The following RFPL3 variants were observed in gnomAD, a reference collection of about 807,000 sequenced individuals.
RFPL3 encodes the protein ret finger protein like 3.
RFPL3 carries 8 observed loss-of-function variants against 8.7 expected under a neutral mutation model. The ratio of observed to expected loss-of-function variants is 0.92; its 90% CI spans 0.54 to 1.66. The LOEUF (loss-of-function observed/expected upper bound fraction) is 1.66, where lower values mean the gene tolerates loss of function less well. RFPL3 is among the 40% of genes most tolerant of loss of function. RFPL3 has a pLI of 0.00. For missense variants in RFPL3, 341 were observed against 395.0 expected (o/e 0.86, Z 1.16); for synonymous variants, 145 against 150.5 (o/e 0.96, Z 0.27).
upstream of RFPL3, among the ~76,000 whole-genome samples, chr22:32,357,346 T>C (rs1350536336): frequency 2.0e-5 from 3 of 152,140 alleles, no homozygotes; most frequent in Non-Finnish European, 4.4e-5. Context: ...ATTTTTGTAT[T>C]GTTTGTAGAG....
upstream of RFPL3, among the ~76,000 whole-genome samples, chr22:32,355,443 A>G (rs1380767677): frequency 2.6e-5 from 4 of 151,960 alleles, no homozygotes; most frequent in African/African-American, 9.7e-5. Flanking sequence ...CTGATGTGGG[A>G]CCTGGTTTTC....
chr22:32,360,728 G>A lies in RFPL3; in HGVS notation c.850G>A (p.Ala284Thr). 1 of 1,613,902 alleles carries A rather than the reference G, an allele frequency of 6.2e-7. No homozygotes were observed. The highest frequency in any genetic ancestry group is 8.5e-7 in the Non-Finnish European group (1 of 1,179,934). The part of the protein sequence containing the change: ...SAEEPLRPFL[A>T]PSIPPNGDQG... Reference sequence around the variant, plus strand: ...TGAGGAGCCACTGCGCCCATTTTTGGCTCCTTCAATTCCACCTAATGGTGA... The same window carrying A: ...TGAGGAGCCACTGCGCCCATTTTTGACTCCTTCAATTCCACCTAATGGTGA... Residue 284 changes from alanine (A) to threonine (T), a missense_variant, in exon 2 of 2, where the codon GCT becomes ACT. Transcript: ENST00000249007.
rs966405677 is a variant in RFPL3 at position 32,361,123 on chromosome 22, A to G, written c.*291A>G. On this transcript the variant is annotated 3_prime_UTR_variant, in exon 2 of 2. Transcript: ENST00000249007. ...TCTGTAAGTTCAAATCAATGTTTAA[A>G]TTATAGAAGTTATGAGGTAAATAAA... is the stretch of plus-strand genomic sequence containing the variant. 3.6e-6 allele frequency: 1 copy of G among 281,512 alleles called. No individual in the cohort carries two copies. The highest frequency in any genetic ancestry group is 2.2e-5 in the African/African-American group (1 of 45,598). The allele number at this position is 281,512 out of a possible 1,614,324, so 17.4% of individuals were successfully genotyped here. A position where few individuals can be genotyped will look rare whatever the true frequency, so the allele number is the denominator to read the frequency against.
chr22:32,358,008 T>C lies in RFPL3; in HGVS notation c.-64T>C, dbSNP rs1411320464. Reference sequence around the variant, plus strand: ...GAGGACGGGGGGTGGGGGGATGTGCTTGAGTGTTTGTACTCATGGTCTTGT... The same window carrying C: ...GAGGACGGGGGGTGGGGGGATGTGCCTGAGTGTTTGTACTCATGGTCTTGT... On this transcript the variant is annotated 5_prime_UTR_variant, in exon 1 of 2. Transcript: ENST00000249007. 2.5e-5 allele frequency: 39 copies of C among 1,575,246 alleles called. No homozygotes were observed. The highest frequency in any genetic ancestry group is 3.0e-5 in the Non-Finnish European group (35 of 1,160,836).
chr22:32,360,307 C>T lies in RFPL3; in HGVS notation c.429C>T (p.Asp143=), dbSNP rs780270312. ...TANNFLLISD[D]LRSVRSGLIT... ...ACAACTTCCTCCTCATTTCTGACGACCTCAGGAGCGTCCGAAGTGGGCTCA... is the reference window on the plus strand; with the variant it reads ...ACAACTTCCTCCTCATTTCTGACGATCTCAGGAGCGTCCGAAGTGGGCTCA... Residue 143 remains aspartate, a synonymous_variant, in exon 2 of 2, where the codon GAC becomes GAT. Transcript: ENST00000249007. 4.7e-5 allele frequency: 76 copies of T among 1,613,834 alleles called. No homozygotes were observed. The highest frequency in any genetic ancestry group is 6.1e-5 in the Non-Finnish European group (72 of 1,179,870).
At chr22:32,357,684 G>A (rs1176680238), upstream of RFPL3, among the ~76,000 whole-genome samples, 3 of 152,142 alleles carry the variant, frequency 2.0e-5, no homozygotes, top group Admixed American at 6.5e-5. Context: ...GGCTGGTCTC[G>A]AACTTTTGAT....
rs5754014 is a variant in RFPL3, at chr22:32,360,806, C to T, written c.928C>T (p.Pro310Ser). ...GATGAACTCAGGCACTACTGATGCT[C>T]CAGTCCGTCCTGGGGAGGCCAAATA... is the stretch of plus-strand genomic sequence containing the variant. ...PLMNSGTTDAPVRPGEAK is the reference protein window; with the variant it reads ...PLMNSGTTDASVRPGEAK Residue 310 changes from proline to serine, a missense_variant, in exon 2 of 2, where the codon CCA becomes TCA. By Grantham distance (74) the Pro-to-Ser change is moderately conservative. Coordinates refer to ENST00000249007, the MANE Select transcript of RFPL3 (RefSeq NM_001098535.1). 6.7e-5 allele frequency: 105 copies of T among 1,565,730 alleles called. No individual in the cohort carries two copies. The East Asian group carries it at 2.1e-3, about 32-fold the overall frequency.
In RFPL3 at chr22:32,358,352, G is replaced by A. The variant is rs747282140; in HGVS notation, c.281G>A (p.Arg94Gln). ...VSQRNKIRPN[R>Q]QLERLVSHIK... Reference sequence around the variant, plus strand: ...CAGAGGAACAAAATCAGGCCCAATCGGCAGCTAGAGAGGCTGGTTTCCCAC... The same window carrying A: ...CAGAGGAACAAAATCAGGCCCAATCAGCAGCTAGAGAGGCTGGTTTCCCAC... The change falls in exon 1 of 2, where the codon CGG (arginine) becomes CAG (glutamine). Residue 94 changes from arginine to glutamine, a missense_variant. Physicochemically the swap from Arg to Gln is conservative, Grantham distance 43 (BLOSUM62 1). Transcript: ENST00000249007. 7 of 1,613,978 alleles carry A rather than the reference G, an allele frequency of 4.3e-6. No homozygotes were observed. Among genetic ancestry groups the A allele is most frequent in the African/African-American group, 1.3e-5 (1 of 74,878 alleles).
At position 32,358,294 on chromosome 22, in the gene RFPL3, G is replaced by A. The variant is rs759338505; in HGVS notation, c.223G>A (p.Asp75Asn). ...NSLQKEPHGE[D>N]LLCCCCSMVS... Reference sequence around the variant, plus strand: ...GCTGCAGAAGGAGCCCCATGGGGAGGATCTGCTTTGCTGTTGCTGTTCCAT... The same window carrying A: ...GCTGCAGAAGGAGCCCCATGGGGAGAATCTGCTTTGCTGTTGCTGTTCCAT... Residue 75 changes from aspartate (D) to asparagine (N), a missense_variant, in exon 1 of 2, where the codon GAT becomes AAT. By Grantham distance (23) the Asp-to-Asn change is conservative. Coordinates refer to ENST00000249007, the MANE Select transcript of RFPL3 (RefSeq NM_001098535.1). The A allele has an allele frequency of 6.2e-6, 10 of 1,613,896 alleles. No homozygotes were observed. Among genetic ancestry groups the A allele is most frequent in the African/African-American group, 4.0e-5 (3 of 74,904 alleles).
At position 32,357,929 on chromosome 22, in the gene RFPL3, C is replaced by T; in HGVS notation, c.-143C>T. On this transcript the variant is annotated 5_prime_UTR_variant, in exon 1 of 2. Transcript: ENST00000249007. ...AGGAGAATGGACCCTTCCTCCACCT[C>T]AGCTCAGAGCACAGTGATGATTCGT... 1 of 1,512,380 alleles carries T rather than the reference C, an allele frequency of 6.6e-7. No homozygotes were observed. The highest frequency in any genetic ancestry group is 8.8e-7 in the Non-Finnish European group (1 of 1,132,102). The allele number at this position is 1,512,380 out of a possible 1,614,324, so 93.7% of individuals were successfully genotyped here.
In RFPL3 at chr22:32,360,909, C is replaced by T; in HGVS notation, c.*77C>T. The T allele has an allele frequency of 1.5e-6, 2 of 1,375,548 alleles. No individual in the cohort carries two copies. Among genetic ancestry groups the T allele is most frequent in the Non-Finnish European group, 2.0e-6 (2 of 1,014,262 alleles). 85.2% of individuals were successfully genotyped at this position (1,375,548 alleles called of 1,614,324 possible). A position where few individuals can be genotyped will look rare whatever the true frequency, so the allele number is the denominator to read the frequency against. ...TTAGGAATTTTCTACTTGGTAAAAGCATTATACAGTCATAGGAGAAAGATA... is the reference window on the plus strand; with the variant it reads ...TTAGGAATTTTCTACTTGGTAAAAGTATTATACAGTCATAGGAGAAAGATA... On this transcript the variant is annotated 3_prime_UTR_variant, in exon 2 of 2. Transcript: ENST00000249007.
chr22:32,355,014 A>G (rs1932615742), upstream of RFPL3: 3 of 152,052 alleles, frequency 2.0e-5, no homozygotes, highest in African/African-American at 7.2e-5. Context: ...TTTTCCTCTA[A>G]GCCAGTACTA....
chr22:32,360,599 A>G lies in RFPL3; in HGVS notation c.721A>G (p.Lys241Glu), dbSNP rs1318244014. Reference sequence around the variant, plus strand: ...GCTGACTTTCCTCTTAGTAGACCGCAAGTTACAGCGAGTGGGGATTTTTCT... The same window carrying G: ...GCTGACTTTCCTCTTAGTAGACCGCGAGTTACAGCGAGTGGGGATTTTTCT... Reference protein sequence around the residue: ...VPLTFLLVDRKLQRVGIFLDM... With the variant: ...VPLTFLLVDRELQRVGIFLDM... Residue 241 changes from lysine (K) to glutamate (E), a missense_variant, in exon 2 of 2, where the codon AAG (lysine) becomes GAG (glutamate). Coordinates refer to ENST00000249007, the MANE Select transcript of RFPL3 (RefSeq NM_001098535.1). 2 of 1,613,558 alleles carry G rather than the reference A, an allele frequency of 1.2e-6. No individual in the cohort carries two copies. The highest frequency in any genetic ancestry group is 1.7e-6 in the Non-Finnish European group (2 of 1,179,544).
upstream of RFPL3, among the ~76,000 whole-genome samples, chr22:32,355,170 T>C (rs1932623523): frequency 6.6e-6 from 1 of 152,154 alleles, no homozygotes. Flanking sequence ...CTACTCTGAT[T>C]GGACTTTGTT....
chr22:32,360,787 C>G lies in RFPL3; in HGVS notation c.909C>G (p.Asn303Lys), dbSNP rs748241116. 11 of 1,595,414 alleles carry G rather than the reference C, an allele frequency of 6.9e-6. No individual in the cohort carries two copies. In the South Asian group the frequency reaches 1.2e-4, roughly 18 times the overall value. ...QGVLSICPLM[N>K]SGTTDAPVRP... ...TCTTGAGCATCTGTCCTTTGATGAA[C>G]TCAGGCACTACTGATGCTCCAGTCC... The change falls in exon 2 of 2, where the codon AAC becomes AAG. Residue 303 changes from asparagine (N) to lysine (K), a missense_variant. By Grantham distance (94) the Asn-to-Lys change is moderately conservative (BLOSUM62 0). Transcript: ENST00000249007.
At chr22:32,359,663 A>G (rs1431556611) in intron 1 of RFPL3, among the ~76,000 whole-genome samples, 3 of 152,216 alleles carry the variant, frequency 2.0e-5, no homozygotes, top group Non-Finnish European at 2.9e-5. Context: ...CATGTAGGAT[A>G]GAAAACATTC....
At chr22:32,357,152 C>A (rs1932693777), upstream of RFPL3, among the ~76,000 whole-genome samples, 1 of 152,186 alleles carries the variant, frequency 6.6e-6, no homozygotes, top group South Asian at 2.1e-4. Context: ...CCTAAAACAA[C>A]TCTCTGTCAT....
chr22:32,357,459 T>C (rs1207733900), upstream of RFPL3, among the ~76,000 whole-genome samples: 1 of 149,540 alleles, frequency 6.7e-6, no homozygotes, highest in Non-Finnish European at 1.5e-5. Flanking sequence ...TGTGAGCTAC[T>C]GCATCCAGCC....
At chr22:32,355,781 C>CAAAAAAA (rs5844988), upstream of RFPL3, among the ~76,000 whole-genome samples, 17 of 99,760 alleles carry the variant, frequency 1.7e-4, no homozygotes, top group South Asian at 3.5e-4. Context: ...GACTTTGTCT[C>CAAAAAAA]AAAAAAAAAA....
Sources: gnomAD v4.1 joint callset for allele counts (sites outside exome capture counted in the v4.1 genomes callset) on GRCh38, gnomAD v4.1.1 for gene constraint, MANE v1.5 for transcripts, NCBI Gene and HGNC (gene_info 2026-07-23, HGNC 2026-07-21) for gene names.